The following PSTPIP2 variants were observed in gnomAD, a reference collection of about 807,000 sequenced individuals.
The protein encoded by PSTPIP2 is proline-serine-threonine phosphatase interacting protein 2.
Under a neutral mutation model 63.3 loss-of-function variants are expected in PSTPIP2, and 33 were observed. That is an observed-to-expected ratio of 0.52 (90% CI 0.40 to 0.70). The LOEUF is 0.70. Among genes scored for constraint, PSTPIP2 ranks in the 30% least tolerant of loss-of-function variants. PSTPIP2 has a pLI of 0.00. For missense variants in PSTPIP2, 312 were observed against 400.7 expected (o/e 0.78, Z 1.89); for synonymous variants, 125 against 132.7 (o/e 0.94, Z 0.40).
chr18:46,047,481 A>T (rs1189949693), intron 1 of PSTPIP2, among the ~76,000 whole-genome samples: 1 of 152,218 alleles, frequency 6.6e-6, no homozygotes, highest in Non-Finnish European at 1.5e-5. Context: ...GCCTGTAGCT[A>T]CTCAGGAGGC....
chr18:46,008,842 C>A (rs751808495), intron 5 of PSTPIP2, among the ~76,000 whole-genome samples: 2 of 152,100 alleles, frequency 1.3e-5, no homozygotes, highest in African/African-American at 4.8e-5. Context: ...GTGTCAATAC[C>A]GCTGAGAATG....
At chr18:45,997,481 C>A (rs974006854) in intron 9 of PSTPIP2, among the ~76,000 whole-genome samples, 1 of 152,114 alleles carries the variant, frequency 6.6e-6, no homozygotes, top group East Asian at 1.9e-4. Flanking sequence ...GGCCACCGTG[C>A]CTGGCCAAAT....
At chr18:46,058,431 A>G (rs1032590967) in intron 1 of PSTPIP2, among the ~76,000 whole-genome samples, 1 of 151,704 alleles carries the variant, frequency 6.6e-6, no homozygotes, top group Non-Finnish European at 1.5e-5. Flanking sequence ...ATCTCGGCTC[A>G]GCGCCACCTC....
intron 4 of PSTPIP2, among the ~76,000 whole-genome samples, chr18:46,012,193 C>G (rs1307682497): frequency 1.3e-5 from 2 of 151,902 alleles, no homozygotes; most frequent in African/African-American, 4.8e-5. Context: ...AAAATGTAAA[C>G]CTTTCAGTTG....
intron 1 of PSTPIP2, among the ~76,000 whole-genome samples, chr18:46,052,852 A>G (rs114228744): frequency 8.0e-4 from 122 of 152,336 alleles, no homozygotes; most frequent in African/African-American, 2.7e-3. Flanking sequence ...CAAAGAGTCT[A>G]TTTACTTTCC....
intron 1 of PSTPIP2, among the ~76,000 whole-genome samples, chr18:46,060,538 A>G (rs1568232931): frequency 6.6e-6 from 1 of 152,190 alleles, no homozygotes; most frequent in African/African-American, 2.4e-5. Context: ...TCTGAGTACA[A>G]TAGCGTGTAG....
intron 1 of PSTPIP2, among the ~76,000 whole-genome samples, chr18:46,062,751 G>A (rs567877150): frequency 6.6e-6 from 1 of 152,144 alleles, no homozygotes; most frequent in African/African-American, 2.4e-5. Context: ...TCCTGACCTC[G>A]TGATCCACCT....
At chr18:46,043,470 A>G (rs963936407) in intron 1 of PSTPIP2, among the ~76,000 whole-genome samples, 1 of 152,156 alleles carries the variant, frequency 6.6e-6, no homozygotes, top group South Asian at 2.1e-4. Flanking sequence ...CCACCTCACA[A>G]TAGAAAATCA....
intron 3 of PSTPIP2, among the ~76,000 whole-genome samples, chr18:46,022,500 C>A (rs937069747): frequency 6.6e-6 from 1 of 152,134 alleles, no homozygotes; most frequent in Non-Finnish European, 1.5e-5. Context: ...TAAACCCTCC[C>A]TCAACATGTT....
chr18:46,043,371 A>G (rs1908264554), intron 1 of PSTPIP2, among the ~76,000 whole-genome samples: 1 of 151,770 alleles, frequency 6.6e-6, no homozygotes, highest in Non-Finnish European at 1.5e-5. Flanking sequence ...AGCGTGGGTG[A>G]CAGAGTGAGC....
chr18:46,071,040 C>T (rs1233170969), intron 1 of PSTPIP2, among the ~76,000 whole-genome samples: 1 of 152,128 alleles, frequency 6.6e-6, no homozygotes, highest in Non-Finnish European at 1.5e-5. Context: ...CTTGGTTCCT[C>T]TGTGAGGCTG....
In PSTPIP2 at chr18:46,013,220, T is replaced by C. The variant is rs8098034; in HGVS notation, c.248-1933A>G. 2.7e-3 allele frequency among the ~76,000 whole-genome samples: 404 copies of C among 152,322 alleles called. 1 individual carries two copies. The highest frequency in any genetic ancestry group is 9.2e-3 in the African/African-American group (382 of 41,580). On this transcript the variant is annotated intron_variant, in intron 4 of 14. Coordinates refer to ENST00000409746, the MANE Select transcript of PSTPIP2 (RefSeq NM_024430.4). ...ATGCCATACTTGGCCTCACAGTGCA[T>C]ATAAGGAACGTGAAAAGTTACTGTC... is the stretch of plus-strand genomic sequence containing the variant.
intron 4 of PSTPIP2, among the ~76,000 whole-genome samples, chr18:46,012,296 G>A (rs2051805987): frequency 6.6e-6 from 1 of 152,004 alleles, no homozygotes; most frequent in Non-Finnish European, 1.5e-5. Context: ...CAACCTTTCT[G>A]GAGGAAATTT....
At chr18:45,995,401 C>A (rs1177428593) in intron 9 of PSTPIP2, among the ~76,000 whole-genome samples, 3 of 152,122 alleles carry the variant, frequency 2.0e-5, no homozygotes, top group Non-Finnish European at 2.9e-5. Flanking sequence ...CCGCACCTGG[C>A]CTTTATGCAG....
chr18:46,040,102 C>T (rs750777965), intron 1 of PSTPIP2, 55 bp from the exon 2 acceptor site: 44 of 1,389,444 alleles, frequency 3.2e-5, no homozygotes, highest in Non-Finnish European at 3.6e-5. Flanking sequence ...CCCCCAAGGC[C>T]GGAGAGAAGA....
At chr18:46,021,361 T>G (rs1011098326) in intron 3 of PSTPIP2, among the ~76,000 whole-genome samples, 1 of 151,816 alleles carries the variant, frequency 6.6e-6, no homozygotes, top group African/African-American at 2.4e-5. Context: ...TAAGCTCTAT[T>G]TAGAAGTTTT....
intron 1 of PSTPIP2, among the ~76,000 whole-genome samples, chr18:46,059,797 G>C (rs1908924768): frequency 6.6e-6 from 1 of 152,098 alleles, no homozygotes; most frequent in African/African-American, 2.4e-5. Context: ...GGGAGGCCAA[G>C]GCGGGTGGAT....
rs1173716926 is a variant in PSTPIP2 at position 45,997,745 on chromosome 18, G to T, written c.642+4C>A. 1 of 1,536,474 alleles carries T rather than the reference G, an allele frequency of 6.5e-7. No homozygotes were observed. On this transcript the variant is annotated splice_donor_region_variant and intron_variant, in intron 9 of 14. Transcript: ENST00000409746. ...AGTCCTGAGCAGCTTCCGGTTACGG[G>T]TACCTCGCAGGCCTTGATGTGCTCA...
intron 4 of PSTPIP2, among the ~76,000 whole-genome samples, chr18:46,012,359 T>C (rs754609329): frequency 1.3e-5 from 2 of 152,210 alleles, no homozygotes; most frequent in Non-Finnish European, 2.9e-5. Context: ...GGCAGATCTA[T>C]ATGAATTGAA....
Sources: allele counts gnomAD v4.1 joint callset (sites outside exome capture counted in the v4.1 genomes callset), GRCh38; gene constraint gnomAD v4.1.1; transcripts MANE v1.5; gene names NCBI Gene and HGNC (gene_info 2026-07-23, HGNC 2026-07-21).